UTP6: variants seen among roughly 807,000 people sequenced by gnomAD.
The protein encoded by UTP6 is UTP6 small subunit processome component.
A neutral mutation model predicts 96.5 loss-of-function variants in UTP6; 60 were observed. That is an observed-to-expected ratio of 0.62 (90% CI 0.51 to 0.77). UTP6 has a LOEUF of 0.77. Ranked by LOEUF, UTP6 falls within the 30% of genes least tolerant of loss-of-function variation. The probability of loss-of-function intolerance (pLI) is 0.00; values close to 1 mark genes in which losing one functional copy is unlikely to be tolerated. For synonymous variants in UTP6, 215 were observed against 240.1 expected (o/e 0.90, Z 0.96); for missense variants, 637 against 706.5 (o/e 0.90, Z 1.12).
chr17:31,865,283 G>A (rs1170854830), intron 18 of UTP6, 83 bp downstream of exon 18: 3 of 1,443,816 alleles, frequency 2.1e-6, no homozygotes, highest in Non-Finnish European at 2.9e-6. Flanking sequence ...AAAGTGCTGG[G>A]ATTACAGGCA....
Position 31,867,894 on chromosome 17 carries a change from T to C in UTP6, c.1563+152A>G, listed in dbSNP as rs570574764. ...ATCACTTGAACCTGGGAGATGGAGG[T>C]TGCAGTGAGCCAAGATCACGCCACT... On this transcript the variant is annotated intron_variant, in intron 17 of 18. Transcript: ENST00000261708. The C allele has an allele frequency of 6.4e-5, 35 of 549,228 alleles. No homozygotes were observed. In the East Asian group the frequency reaches 1.5e-3, roughly 23 times the overall value. The allele number at this position is 549,228 out of a possible 1,614,324, so 34.0% of individuals were successfully genotyped here. A position where few individuals can be genotyped will look rare whatever the true frequency, so the allele number is the denominator to read the frequency against.
At chr17:31,873,867 G>A in intron 14 of UTP6, 114 bp from the exon 15 acceptor site, 3 of 1,189,502 alleles carry the variant, frequency 2.5e-6, no homozygotes, top group Non-Finnish European at 3.5e-6. Context: ...TAAAATGACA[G>A]TTTAGTCCTA....
At position 31,880,701 on chromosome 17, in the gene UTP6, C is replaced by T; in HGVS notation, c.839G>A (p.Arg280Gln). The stretch of plus-strand genomic sequence containing the variant: ...TGTCTGTGACTCAATCTCTAATTCT[C>T]GCCTTGCCACATAATCCCAAGTGAG... ...DPLTWDYVAR[R>Q]ELEIESQTEE... Residue 280 changes from arginine to glutamine, a missense_variant, in exon 11 of 19, where the codon CGA (arginine) becomes CAA (glutamine). Transcript: ENST00000261708. The T allele has an allele frequency of 1.2e-6, 2 of 1,614,142 alleles. No homozygotes were observed. Among genetic ancestry groups the T allele is most frequent in the Non-Finnish European group, 1.7e-6 (2 of 1,180,032 alleles).
chr17:31,891,425 T>C (rs1338976762), intron 6 of UTP6, among the ~76,000 whole-genome samples: 1 of 152,220 alleles, frequency 6.6e-6, no homozygotes, highest in Admixed American at 6.5e-5. Flanking sequence ...TATCCTGCTA[T>C]ATTTCTGAGT....
Position 31,863,536 on chromosome 17 carries a change from C to T in UTP6, c.1637-20G>A. Reference sequence around the variant, plus strand: ...AAAGATCTTTTAAAAAAAAAACATACAATTAGATAACTGACAGAGTGTTAT... The same window carrying T: ...AAAGATCTTTTAAAAAAAAAACATATAATTAGATAACTGACAGAGTGTTAT... On this transcript the variant is annotated intron_variant, in intron 18 of 18. Transcript: ENST00000261708. 1.3e-6 allele frequency: 2 copies of T among 1,580,656 alleles called. No homozygotes were observed. The highest frequency in any genetic ancestry group is 1.7e-6 in the Non-Finnish European group (2 of 1,162,064).
At chr17:31,867,995 T>G in intron 17 of UTP6, 51 bp downstream of exon 17, 2 of 1,574,194 alleles carry the variant, frequency 1.3e-6, no homozygotes, top group Non-Finnish European at 1.7e-6. Context: ...GATAGATTAG[T>G]AACCACTAAT....
chr17:31,865,417 T>A lies in UTP6; in HGVS notation c.1585A>T (p.Ile529Leu). The A allele has an allele frequency of 6.2e-7, 1 of 1,614,064 alleles. No homozygotes were observed. The highest frequency in any genetic ancestry group is 8.5e-7 in the Non-Finnish European group (1 of 1,179,950). ...KEQESCNMAN[I>L]REYYERALRE... is the part of the protein sequence containing the mutation. Reference sequence around the variant, plus strand: ...AAAGCTCTCTCATAATATTCTCTTATGTTCGCCATATTGCAGGATTCCTGA... The same window carrying A: ...AAAGCTCTCTCATAATATTCTCTTAAGTTCGCCATATTGCAGGATTCCTGA... The change falls in exon 18 of 19, where the codon ATA (isoleucine) becomes TTA (leucine). Residue 529 changes from isoleucine to leucine, a missense_variant. Transcript: ENST00000261708.
At chr17:31,894,548 C>G (rs1904522540) in intron 4 of UTP6, 97 bp downstream of exon 4, 1 of 846,996 alleles carries the variant, frequency 1.2e-6, no homozygotes, top group Admixed American at 2.7e-5. Flanking sequence ...TAAAGATACC[C>G]AAGATAAAAA....
intron 9 of UTP6, 126 bp from the exon 10 acceptor site, chr17:31,884,631 T>C: frequency 2.7e-6 from 2 of 748,570 alleles, no homozygotes; most frequent in Non-Finnish European, 4.2e-6. Context: ...TAGAATAAAA[T>C]AGAAGAAAAG....
At position 31,873,683 on chromosome 17, in the gene UTP6, G is replaced by C; in HGVS notation, c.1376C>G (p.Ala459Gly). The C allele has an allele frequency of 1.2e-6, 2 of 1,613,452 alleles. No homozygotes were observed. The highest frequency in any genetic ancestry group is 1.7e-6 in the Non-Finnish European group (2 of 1,179,910). Reference protein sequence around the residue: ...EGAKSQEDTEAVFKKALLAVI... With the variant: ...EGAKSQEDTEGVFKKALLAVI... The stretch of plus-strand genomic sequence containing the variant: ...ACACGGAGCCTATACCTTAAAGACT[G>C]CCTCAGTGTCTTCTTGGCTTTTGGC... The change falls in exon 15 of 19, where the codon GCA becomes GGA. Residue 459 changes from alanine to glycine, a missense_variant. By Grantham distance (60) the Ala-to-Gly change is moderately conservative. Transcript: ENST00000261708.
At chr17:31,892,495 C>A (rs1259661485) in intron 5 of UTP6, among the ~76,000 whole-genome samples, 172 bp from the exon 6 acceptor site, 1 of 152,150 alleles carries the variant, frequency 6.6e-6, no homozygotes, top group Non-Finnish European at 1.5e-5. Flanking sequence ...CTCAATTAAA[C>A]CACTAAACAC....
intron 1 of UTP6, 60 bp from the exon 2 acceptor site, chr17:31,899,790 A>AAT: frequency 8.4e-7 from 1 of 1,189,166 alleles, no homozygotes. Flanking sequence ...GTTTAAGTTT[A>AAT]TTTTGAATAT....
chr17:31,872,546 C>G (rs1054767407), intron 16 of UTP6, among the ~76,000 whole-genome samples: 1 of 151,468 alleles, frequency 6.6e-6, no homozygotes, highest in Admixed American at 6.6e-5. Flanking sequence ...CATGGTGGTA[C>G]ATGCCTGTAG....
chr17:31,895,061 C>G, intron 2 of UTP6, 50 bp from the exon 3 acceptor site: 1 of 1,344,462 alleles, frequency 7.4e-7, no homozygotes, highest in Non-Finnish European at 1.0e-6. Flanking sequence ...AATCTAAAAC[C>G]TTTTAAATAC....
At chr17:31,883,316 A>AT (rs764591553) in intron 10 of UTP6, among the ~76,000 whole-genome samples, 17,474 of 142,224 alleles carry the variant, frequency 0.12, 1,719 homozygotes, top group African/African-American at 0.28. Context: ...TAAGCTTTAG[A>AT]TTTTTTTTTT....
chr17:31,892,721 A>G, intron 5 of UTP6, 26 bp downstream of exon 5: 6 of 1,614,010 alleles, frequency 3.7e-6, no homozygotes, highest in Non-Finnish European at 5.1e-6. Flanking sequence ...GGTCAGAGGA[A>G]GCAAGACATG....
At chr17:31,871,857 C>T (rs1353297042) in intron 16 of UTP6, among the ~76,000 whole-genome samples, 1 of 151,908 alleles carries the variant, frequency 6.6e-6, no homozygotes, top group Admixed American at 6.6e-5. Context: ...GGCGCCATTA[C>T]ACTCAGCCTG....
At chr17:31,869,883 G>A (rs975656018) in intron 16 of UTP6, among the ~76,000 whole-genome samples, 1 of 152,048 alleles carries the variant, frequency 6.6e-6, no homozygotes. Context: ...ATATCCACGT[G>A]TACCCAATGT....
chr17:31,892,704 A>T, intron 5 of UTP6, 43 bp downstream of exon 5: 1 of 1,613,476 alleles, frequency 6.2e-7, no homozygotes, highest in East Asian at 2.2e-5. Context: ...CAGATTAACA[A>T]AAAGACGGTC....
Sources: allele counts gnomAD v4.1 joint callset (sites outside exome capture counted in the v4.1 genomes callset), GRCh38; gene constraint gnomAD v4.1.1; transcripts MANE v1.5; gene names NCBI Gene and HGNC (gene_info 2026-07-23, HGNC 2026-07-21).